Variants in COL8A1 observed in about 807,000 individuals in gnomAD.
COL8A1 encodes the protein collagen alpha-1(VIII) chain.
Under a neutral mutation model 42.7 loss-of-function variants are expected in COL8A1, and 21 were observed. The observed-to-expected ratio is 0.49, with a 90% CI of 0.35 to 0.71. The LOEUF is 0.71. Among genes scored for constraint, COL8A1 ranks in the 30% least tolerant of loss-of-function variants. The pLI is 0.01. For missense variants in COL8A1, 788 were observed against 962.4 expected (o/e 0.82, Z 2.40); for synonymous variants, 367 against 369.1 (o/e 0.99, Z 0.06).
intron 1 of COL8A1, among the ~76,000 whole-genome samples, chr3:99,720,687 C>T (rs1053404313): frequency 2.0e-5 from 3 of 152,100 alleles, no homozygotes; most frequent in Non-Finnish European, 4.4e-5. Flanking sequence ...TTGCTCTGAG[C>T]TCTGTGTGAA....
chr3:99,775,308 G>C (rs1314851112), intron 2 of COL8A1, among the ~76,000 whole-genome samples: 1 of 152,156 alleles, frequency 6.6e-6, no homozygotes, highest in Non-Finnish European at 1.5e-5. Flanking sequence ...TTATAACTTA[G>C]CTATTTAACA....
At chr3:99,767,045 A>C (rs1427472226) in intron 2 of COL8A1, among the ~76,000 whole-genome samples, 3 of 152,148 alleles carry the variant, frequency 2.0e-5, no homozygotes, top group African/African-American at 7.2e-5. Context: ...GTTCCTTCAG[A>C]TATGTTGTTG....
chr3:99,705,772 GC>G (rs544721375), intron 1 of COL8A1, among the ~76,000 whole-genome samples: 4 of 151,888 alleles, frequency 2.6e-5, no homozygotes, highest in East Asian at 1.9e-4. Flanking sequence ...ATAAACTCCT[GC>G]CCCCCCGGTA....
intron 1 of COL8A1, among the ~76,000 whole-genome samples, chr3:99,666,721 T>G (rs182512094): frequency 6.6e-6 from 1 of 152,334 alleles, no homozygotes; most frequent in African/African-American, 2.4e-5. Flanking sequence ...GTCCTTCCTT[T>G]GTTCCCTCAC....
At chr3:99,765,175 TG>T (rs1460546980) in intron 2 of COL8A1, among the ~76,000 whole-genome samples, 2 of 152,126 alleles carry the variant, frequency 1.3e-5, no homozygotes, top group African/African-American at 4.8e-5. Context: ...CACAGAGACA[TG>T]GTCTTGGCTA....
At chr3:99,639,897 AC>A in intron 1 of COL8A1, among the ~76,000 whole-genome samples, 1 of 152,232 alleles carries the variant, frequency 6.6e-6, no homozygotes, top group East Asian at 1.9e-4. Context: ...GAAATGTTTC[AC>A]TTTTTTATTT....
At chr3:99,759,336 T>C (rs923142394) in intron 2 of COL8A1, among the ~76,000 whole-genome samples, 1 of 152,160 alleles carries the variant, frequency 6.6e-6, no homozygotes, top group Non-Finnish European at 1.5e-5. Flanking sequence ...TTGTATTTGC[T>C]ATGTAATTTC....
chr3:99,783,200 C>T (rs1215669446), intron 2 of COL8A1, among the ~76,000 whole-genome samples: 1 of 152,162 alleles, frequency 6.6e-6, no homozygotes, highest in Non-Finnish European at 1.5e-5. Context: ...TGTAAAATCT[C>T]CTCTGGAGAA....
At chr3:99,750,230 T>G (rs1941117568) in intron 2 of COL8A1, among the ~76,000 whole-genome samples, 2 of 151,918 alleles carry the variant, frequency 1.3e-5, no homozygotes, top group South Asian at 4.2e-4. Context: ...CTAATTTTTG[T>G]ATTTTTAGTA....
chr3:99,739,005 C>T (rs1321617837), intron 1 of COL8A1, among the ~76,000 whole-genome samples: 1 of 152,174 alleles, frequency 6.6e-6, no homozygotes, highest in Non-Finnish European at 1.5e-5. Flanking sequence ...TGTCCGTCAC[C>T]CCTTTCTTTG....
At chr3:99,715,846 G>A (rs116812735) in intron 1 of COL8A1, among the ~76,000 whole-genome samples, 2,274 of 152,070 alleles carry the variant, frequency 0.015, 27 homozygotes, top group Non-Finnish European at 0.025. Flanking sequence ...AAGTCTTGAA[G>A]TGTTTACTCT....
intron 1 of COL8A1, among the ~76,000 whole-genome samples, chr3:99,723,698 T>C (rs1349636887): frequency 2.0e-5 from 3 of 152,092 alleles, no homozygotes; most frequent in Admixed American, 6.6e-5. Context: ...AACCTAAACC[T>C]AAGTAGCAAT....
intron 1 of COL8A1, among the ~76,000 whole-genome samples, chr3:99,648,701 T>C (rs1320057905): frequency 1.3e-5 from 2 of 152,110 alleles, no homozygotes; most frequent in Admixed American, 1.3e-4. Context: ...CTTAAGGCAA[T>C]AGAAATTTCC....
chr3:99,655,149 A>C (rs893866572), intron 1 of COL8A1, among the ~76,000 whole-genome samples: 40 of 152,094 alleles, frequency 2.6e-4, no homozygotes, highest in Non-Finnish European at 1.0e-4. Flanking sequence ...AAGAGAGGCC[A>C]CTTTTTCTGC....
chr3:99,752,577 T>C (rs1941173956), intron 2 of COL8A1, among the ~76,000 whole-genome samples: 1 of 152,076 alleles, frequency 6.6e-6, no homozygotes, highest in Non-Finnish European at 1.5e-5. Context: ...TCCTCTTACC[T>C]GCGTTACCTA....
At chr3:99,642,260 G>A (rs1276829211) in intron 1 of COL8A1, among the ~76,000 whole-genome samples, 1 of 152,132 alleles carries the variant, frequency 6.6e-6, no homozygotes, top group Admixed American at 6.5e-5. Context: ...TGTTGTTTGA[G>A]GGAGAAGGTT....
At chr3:99,658,449 T>C (rs1245094976) in intron 1 of COL8A1, among the ~76,000 whole-genome samples, 3 of 152,242 alleles carry the variant, frequency 2.0e-5, no homozygotes, top group African/African-American at 7.2e-5. Context: ...CCCTGCCCTG[T>C]GCTCTCACAT....
At chr3:99,698,989 G>A (rs1469224611) in intron 1 of COL8A1, among the ~76,000 whole-genome samples, 2 of 152,122 alleles carry the variant, frequency 1.3e-5, no homozygotes, top group African/African-American at 4.8e-5. Context: ...AAGTAGAGAA[G>A]GACCACCAAA....
At chr3:99,695,432 A>C (rs1296713858) in intron 1 of COL8A1, among the ~76,000 whole-genome samples, 3 of 152,220 alleles carry the variant, frequency 2.0e-5, no homozygotes, top group Non-Finnish European at 4.4e-5. Flanking sequence ...GTATCAAAAA[A>C]TTCCAAGAGA....
Sources: allele counts gnomAD v4.1 joint callset (sites outside exome capture counted in the v4.1 genomes callset), GRCh38; gene constraint gnomAD v4.1.1; transcripts MANE v1.5; gene names NCBI Gene and HGNC (gene_info 2026-07-23, HGNC 2026-07-21).